Variants in GPR137B observed in about 807,000 individuals in gnomAD.
GPR137B encodes G protein-coupled receptor 137B.
In GPR137B, 42 loss-of-function variants were observed where a neutral mutation model predicts 42.5. The observed-to-expected ratio is 0.99, with a 90% CI of 0.77 to 1.28. The LOEUF (loss-of-function observed/expected upper bound fraction) is 1.28, where lower values mean the gene tolerates loss of function less well. Among genes scored for constraint, GPR137B ranks in the 50% most tolerant of loss-of-function variants. The probability of loss-of-function intolerance (pLI) is 0.00; values close to 1 mark genes in which losing one functional copy is unlikely to be tolerated. For synonymous variants in GPR137B, 218 were observed against 209.7 expected (o/e 1.04, Z -0.34); for missense variants, 487 against 493.9 (o/e 0.99, Z 0.13).
At chr1:236,202,779 T>C (rs1663530608) in intron 5 of GPR137B, among the ~76,000 whole-genome samples, 1 of 152,248 alleles carries the variant, frequency 6.6e-6, no homozygotes. Flanking sequence ...CAAGAAATTT[T>C]TGCCCAGACC....
chr1:236,161,217 A>G (rs942107849), intron 1 of GPR137B, among the ~76,000 whole-genome samples: 5 of 151,966 alleles, frequency 3.3e-5, no homozygotes, highest in Admixed American at 2.6e-4. Context: ...CTCTCACAGC[A>G]CAGGTCTGCA....
chr1:236,168,858 C>T (rs948380944), intron 2 of GPR137B, 103 bp downstream of exon 2: 4 of 872,680 alleles, frequency 4.6e-6, no homozygotes, highest in East Asian at 2.4e-5. Context: ...TTCTGTGAGC[C>T]GCCGGAAACA....
rs140492336 is a variant in GPR137B, at chr1:236,207,155, C to G, written c.1092-895C>G. 6.1e-6 allele frequency: 6 copies of G among 985,142 alleles called. No homozygotes were observed. The African/African-American group carries it at 7.0e-5, about 11-fold the overall frequency. 61.0% of individuals were successfully genotyped at this position (985,142 alleles called of 1,614,324 possible). On this transcript the variant is annotated intron_variant, in intron 6 of 6. Coordinates refer to ENST00000366592, the MANE Select transcript of GPR137B (RefSeq NM_003272.4). ...TAGGGACAGAAGTACTGAAGAAAAGCTGGGAGAATACATGCTTTCTCAGTG... is the reference window on the plus strand; with the variant it reads ...TAGGGACAGAAGTACTGAAGAAAAGGTGGGAGAATACATGCTTTCTCAGTG...
At chr1:236,190,901 G>A (rs1351374744) in intron 5 of GPR137B, among the ~76,000 whole-genome samples, 2 of 152,144 alleles carry the variant, frequency 1.3e-5, no homozygotes, top group African/African-American at 2.4e-5. Context: ...TTGCTAGGTT[G>A]GAGAAGTTCT....
At chr1:236,179,296 A>T (rs1337683863) in intron 3 of GPR137B, among the ~76,000 whole-genome samples, 1 of 152,196 alleles carries the variant, frequency 6.6e-6, no homozygotes, top group Non-Finnish European at 1.5e-5. Context: ...GGTCATGTTA[A>T]CTATCCATTT....
intron 2 of GPR137B, 69 bp downstream of exon 2, chr1:236,168,824 C>A: frequency 8.8e-7 from 1 of 1,134,032 alleles, no homozygotes; most frequent in Non-Finnish European, 1.3e-6. Flanking sequence ...CTCATCTCTC[C>A]ATTGGGGTTT....
At chr1:236,181,702 T>C (rs922843594) in intron 4 of GPR137B, among the ~76,000 whole-genome samples, 2 of 152,060 alleles carry the variant, frequency 1.3e-5, no homozygotes, top group African/African-American at 4.8e-5. Context: ...TAAAACCACA[T>C]CTCTGAACCC....
At position 236,177,885 on chromosome 1, in the gene GPR137B, C is replaced by T. The variant is rs568893089; in HGVS notation, c.465-529C>T. ...GCAGATTTTTAATCACATAAGTGAG[C>T]GCTCTCTGGACTCCACATCAATAAT... On this transcript the variant is annotated intron_variant, in intron 2 of 6. Coordinates refer to ENST00000366592, the MANE Select transcript of GPR137B (RefSeq NM_003272.4). Among the ~76,000 whole-genome samples the T allele has an allele frequency of 3.3e-5, 5 of 151,822 alleles. No individual in the cohort carries two copies. The South Asian group carries it at 6.3e-4, about 19-fold the overall frequency.
Position 236,155,198 on chromosome 1 carries a change from C to T in GPR137B, c.414+12162C>T, listed in dbSNP as rs886674587. ...GCTTCTGTGGCTGAAGCGGCCGGGC[C>T]GCAGCTATTCCTGCGGGGCTTCCAG... On this transcript the variant is annotated intron_variant, in intron 1 of 6. Transcript: ENST00000366592. The surrounding 1 kb of genome is among the most constrained non-coding windows in gnomAD (Gnocchi z 4.6). Among the ~76,000 whole-genome samples the T allele has an allele frequency of 2.0e-5, 3 of 152,200 alleles. No homozygotes were observed. Among genetic ancestry groups the T allele is most frequent in the Non-Finnish European group, 4.4e-5 (3 of 68,034 alleles).
chr1:236,207,332 T>TGA, intron 6 of GPR137B: 1 of 950,842 alleles, frequency 1.1e-6, no homozygotes, highest in East Asian at 1.2e-4. Context: ...AGTCAAAAGC[T>TGA]GTCCTTTGGG....
chr1:236,185,263 G>T (rs1662990294), intron 5 of GPR137B, among the ~76,000 whole-genome samples: 1 of 152,174 alleles, frequency 6.6e-6, no homozygotes, highest in South Asian at 2.1e-4. Flanking sequence ...ATACACTGCA[G>T]GTGGGGCATT....
chr1:236,143,151 G>A, intron 1 of GPR137B, 115 bp downstream of exon 1: 3 of 859,960 alleles, frequency 3.5e-6, no homozygotes, highest in East Asian at 4.9e-5. Flanking sequence ...GGCTGAGAGT[G>A]TAGGGAGAAG....
At chr1:236,152,919 A>G (rs369788322) in intron 1 of GPR137B, among the ~76,000 whole-genome samples, 4 of 148,340 alleles carry the variant, frequency 2.7e-5, no homozygotes, top group African/African-American at 1.0e-4. Context: ...AGCTGGGTGC[A>G]GTGGCGGGCG....
chr1:236,197,997 A>G (rs1663388547), intron 5 of GPR137B, among the ~76,000 whole-genome samples: 1 of 152,170 alleles, frequency 6.6e-6, no homozygotes, highest in African/African-American at 2.4e-5. Context: ...CTGGGATTTC[A>G]GGCTTGAGCC....
chr1:236,170,284 TATTTA>T (rs1662496034), intron 2 of GPR137B, among the ~76,000 whole-genome samples: 1 of 152,240 alleles, frequency 6.6e-6, no homozygotes, highest in Non-Finnish European at 1.5e-5. Flanking sequence ...ATACATATTT[TATTTA>T]AATATATATC....
At chr1:236,169,198 GCAGGTGCAGGTGCAGGTA>G (rs1310221590) in intron 2 of GPR137B, among the ~76,000 whole-genome samples, 7 of 141,660 alleles carry the variant, frequency 4.9e-5, no homozygotes, top group South Asian at 2.1e-4. Flanking sequence ...AGGTGCAGGT[GCAGGTGCAGGTGCAGGTA>G]CAGGTACAGG....
At chr1:236,149,507 A>G (rs1286858567) in intron 1 of GPR137B, among the ~76,000 whole-genome samples, 2 of 152,156 alleles carry the variant, frequency 1.3e-5, no homozygotes, top group Non-Finnish European at 2.9e-5. Flanking sequence ...TCCAGGAACT[A>G]GTCCTCCGTG....
intron 5 of GPR137B, among the ~76,000 whole-genome samples, chr1:236,191,055 T>C (rs1057487392): frequency 2.0e-5 from 3 of 152,194 alleles, no homozygotes; most frequent in African/African-American, 7.2e-5. Context: ...TATTCTTTTT[T>C]CTCTAATCTT....
chr1:236,184,018 G>C (rs1391196706), intron 5 of GPR137B, 112 bp downstream of exon 5: 15 of 664,820 alleles, frequency 2.3e-5, no homozygotes, highest in Non-Finnish European at 3.5e-5. Context: ...CTTTTGTGGT[G>C]GTATGAAAAG....
Sources: gnomAD v4.1 joint callset for allele counts (sites outside exome capture counted in the v4.1 genomes callset) on GRCh38, gnomAD v4.1.1 for gene constraint, Gnocchi (gnomAD v3.1) non-coding constraint, MANE v1.5 for transcripts, NCBI Gene and HGNC (gene_info 2026-07-23, HGNC 2026-07-21) for gene names.